TRPC4: variants seen among roughly 807,000 people sequenced by gnomAD.
TRPC4 encodes short transient receptor potential channel 4.
TRPC4 carries 49 observed loss-of-function variants against 99.4 expected under a neutral mutation model. The ratio of observed to expected loss-of-function variants is 0.49; its 90% CI spans 0.39 to 0.63. The LOEUF is 0.63. TRPC4 is among the 20% of genes least tolerant of loss of function. TRPC4 has a pLI of 0.00. For missense variants in TRPC4, 898 were observed against 1,152.9 expected (o/e 0.78, Z 3.20); for synonymous variants, 454 against 425.9 (o/e 1.07, Z -0.81).
intron 8 of TRPC4, among the ~76,000 whole-genome samples, chr13:37,644,872 C>CAAAAAAAAAA (rs11446579): frequency 1.2e-5 from 1 of 81,500 alleles, no homozygotes; most frequent in Non-Finnish European, 2.2e-5. Context: ...GACTCCATCT[C>CAAAAAAAAAA]AAAAAAAAAA....
intron 3 of TRPC4, among the ~76,000 whole-genome samples, chr13:37,709,548 C>T (rs1377494622): frequency 2.0e-5 from 3 of 151,896 alleles, no homozygotes; most frequent in Admixed American, 6.6e-5. Flanking sequence ...CCTTCATGCA[C>T]ACATTCAAAA....
chr13:37,841,025 T>C (rs928950563), intron 1 of TRPC4, among the ~76,000 whole-genome samples: 1 of 152,058 alleles, frequency 6.6e-6, no homozygotes, highest in Non-Finnish European at 1.5e-5. Context: ...AAGCCAAAAA[T>C]TTTATATTAT....
At chr13:37,672,739 T>C (rs1952897506) in intron 5 of TRPC4, among the ~76,000 whole-genome samples, 1 of 152,218 alleles carries the variant, frequency 6.6e-6, no homozygotes, top group Non-Finnish European at 1.5e-5. Context: ...CAGAAATGCA[T>C]AATCTCCTTT....
At chr13:37,664,585 A>AG (rs1410698572) in intron 5 of TRPC4, among the ~76,000 whole-genome samples, 1 of 151,846 alleles carries the variant, frequency 6.6e-6, no homozygotes, top group Non-Finnish European at 1.5e-5. Context: ...AAAAGAAAAA[A>AG]AAAGGGTCAA....
intron 1 of TRPC4, among the ~76,000 whole-genome samples, chr13:37,785,109 T>C (rs959897287): frequency 2.0e-5 from 3 of 152,160 alleles, no homozygotes; most frequent in Admixed American, 6.6e-5. Context: ...ATTTATATTA[T>C]AGAATATCAA....
At chr13:37,665,447 TC>T (rs1481220477) in intron 5 of TRPC4, among the ~76,000 whole-genome samples, 1 of 152,206 alleles carries the variant, frequency 6.6e-6, no homozygotes, top group Non-Finnish European at 1.5e-5. Flanking sequence ...GCAATCATTT[TC>T]TTGAACTTCT....
chr13:37,683,313 C>T (rs1593504404), intron 4 of TRPC4, among the ~76,000 whole-genome samples: 2 of 152,078 alleles, frequency 1.3e-5, no homozygotes, highest in Non-Finnish European at 1.5e-5. Context: ...GAGGTTTGGC[C>T]ATAGGGTAGC....
chr13:37,699,280 G>A (rs1458341990), intron 3 of TRPC4, among the ~76,000 whole-genome samples: 1 of 151,700 alleles, frequency 6.6e-6, no homozygotes, highest in East Asian at 1.9e-4. Context: ...ATAAACACAG[G>A]TTTACACACA....
intron 1 of TRPC4, among the ~76,000 whole-genome samples, chr13:37,802,542 G>A (rs992691595): frequency 6.6e-6 from 1 of 152,188 alleles, no homozygotes; most frequent in Admixed American, 6.6e-5. Flanking sequence ...TCCCACAGAA[G>A]TGATGTGGCC....
At chr13:37,841,409 T>C (rs1233976309) in intron 1 of TRPC4, among the ~76,000 whole-genome samples, 1 of 151,852 alleles carries the variant, frequency 6.6e-6, no homozygotes, top group African/African-American at 2.4e-5. Context: ...AGAACAAATA[T>C]CAATGTTAGA....
In TRPC4 at chr13:37,684,794, T is replaced by TACACAC. The variant is rs57132536; in HGVS notation, c.1234+7199_1234+7204dup. 4.1e-3 allele frequency among the ~76,000 whole-genome samples: 582 copies of TACACAC among 140,750 alleles called. 5 individuals carry two copies. Among genetic ancestry groups the TACACAC allele is most frequent in the Non-Finnish European group, 5.2e-3 (334 of 64,698 alleles). The allele number at this position is 140,750 out of a possible 152,430, so 92.3% of individuals were successfully genotyped here. On this transcript the variant is annotated intron_variant, in intron 4 of 10. Coordinates refer to ENST00000379705, the MANE Select transcript of TRPC4 (RefSeq NM_016179.4). Reference sequence around the variant, plus strand: ...TCTTTCGATTTTCCTGAGTACCCCTTACACACACACACACACACACACACA... The same window carrying TACACAC: ...TCTTTCGATTTTCCTGAGTACCCCTTACACACACACACACACACACACACACACACA...
chr13:37,840,635 TATA>T (rs1245496715), intron 1 of TRPC4, among the ~76,000 whole-genome samples: 2 of 151,972 alleles, frequency 1.3e-5, no homozygotes, highest in Admixed American at 6.6e-5. Context: ...TTATATATGT[TATA>T]ATATTATTAT....
intron 1 of TRPC4, among the ~76,000 whole-genome samples, chr13:37,862,926 C>T (rs1019675281): frequency 6.6e-6 from 1 of 151,268 alleles, no homozygotes; most frequent in Non-Finnish European, 1.5e-5. Context: ...TGACGGTGGG[C>T]CCATAAGATT....
chr13:37,654,144 T>A (rs1952142831), intron 7 of TRPC4, among the ~76,000 whole-genome samples: 1 of 152,104 alleles, frequency 6.6e-6, no homozygotes, highest in Admixed American at 6.6e-5. Context: ...TGAGAAAAAT[T>A]GCCTCCCTAA....
At chr13:37,770,885 C>G (rs567014126) in intron 2 of TRPC4, among the ~76,000 whole-genome samples, 41 of 151,684 alleles carry the variant, frequency 2.7e-4, no homozygotes, top group Admixed American at 7.2e-4. Flanking sequence ...TTCCCCAAAC[C>G]ACGAAATAGT....
intron 2 of TRPC4, among the ~76,000 whole-genome samples, chr13:37,759,866 T>C (rs963484615): frequency 7.5e-6 from 1 of 134,094 alleles, no homozygotes; most frequent in African/African-American, 2.5e-5. Flanking sequence ...GAATATTTCT[T>C]ATATTTATTT....
At chr13:37,737,131 C>A (rs149810067) in intron 3 of TRPC4, among the ~76,000 whole-genome samples, 259 of 151,948 alleles carry the variant, frequency 1.7e-3, no homozygotes, top group African/African-American at 5.9e-3. Flanking sequence ...CTAACACTTC[C>A]TACACTTTCT....
chr13:37,851,820 A>C (rs1204185032), intron 1 of TRPC4, among the ~76,000 whole-genome samples: 7 of 152,180 alleles, frequency 4.6e-5, no homozygotes, highest in Non-Finnish European at 8.8e-5. Context: ...AAGTCTGTGC[A>C]CTTGGAGGAG....
In TRPC4 at chr13:37,745,972, T is replaced by G. The variant is rs1246860626; in HGVS notation, c.862A>C (p.Arg288=). The change falls in exon 3 of 11, where the codon AGA becomes CGA. Residue 288 remains arginine, a synonymous_variant. Transcript: ENST00000379705. ...CGGTACTTAATGGCCAATTTTAGTCTTGCAAGATCATTTCCACTTTGTTCT... is the reference window on the plus strand; with the variant it reads ...CGGTACTTAATGGCCAATTTTAGTCGTGCAAGATCATTTCCACTTTGTTCT... ...IEEQSGNDLA[R]LKLAIKYRQK... 3 of 1,613,632 alleles carry G rather than the reference T, an allele frequency of 1.9e-6. No individual in the cohort carries two copies. Among genetic ancestry groups the G allele is most frequent in the Non-Finnish European group, 2.5e-6 (3 of 1,179,678 alleles).
Sources: allele counts gnomAD v4.1 joint callset (sites outside exome capture counted in the v4.1 genomes callset), GRCh38; gene constraint gnomAD v4.1.1; transcripts MANE v1.5; gene names NCBI Gene and HGNC (gene_info 2026-07-23, HGNC 2026-07-21).